Variants in ME3 observed in about 807,000 individuals in gnomAD.
ME3 encodes the protein NADP-dependent malic enzyme, mitochondrial.
Under a neutral mutation model 68.9 loss-of-function variants are expected in ME3, and 48 were observed. That is an observed-to-expected ratio of 0.70 (90% CI 0.55 to 0.89). The LOEUF is 0.89. ME3 is among the 40% of genes least tolerant of loss of function. The pLI is 0.00. For synonymous variants in ME3, 320 were observed against 318.8 expected, an observed-to-expected ratio of 1.00 and a Z score of -0.04; for missense variants, 675 against 797.4, an observed-to-expected ratio of 0.85 and a Z score of 1.85.
intron 2 of ME3, among the ~76,000 whole-genome samples, chr11:86,656,313 G>A (rs1222653898): frequency 6.6e-6 from 1 of 151,746 alleles, no homozygotes; most frequent in Non-Finnish European, 1.5e-5. Context: ...TGTTTATTGT[G>A]GCACTATTCA....
intron 6 of ME3, among the ~76,000 whole-genome samples, chr11:86,492,595 AGTC>A (rs1952070467): frequency 6.6e-6 from 1 of 152,234 alleles, no homozygotes; most frequent in African/African-American, 2.4e-5. Context: ...ATAGTTACTA[AGTC>A]CCCTTTGGAA....
At chr11:86,479,643 A>G (rs1447580411) in intron 7 of ME3, among the ~76,000 whole-genome samples, 1 of 152,064 alleles carries the variant, frequency 6.6e-6, no homozygotes, top group Non-Finnish European at 1.5e-5. Flanking sequence ...CTAAATTTGT[A>G]CAACTTCCAT....
intron 2 of ME3, among the ~76,000 whole-genome samples, chr11:86,572,003 T>C (rs2139554602): frequency 6.6e-6 from 1 of 152,244 alleles, no homozygotes; most frequent in Admixed American, 6.5e-5. Flanking sequence ...AGTGAGTGAT[T>C]TAAAAAGTCA....
chr11:86,564,716 AAC>A (rs1957397827), intron 2 of ME3, among the ~76,000 whole-genome samples: 1 of 152,148 alleles, frequency 6.6e-6, no homozygotes, highest in Admixed American at 6.5e-5. Flanking sequence ...ATGGATGAAC[AAC>A]CTAAATATAA....
chr11:86,562,107 G>A (rs1311413077), intron 2 of ME3, among the ~76,000 whole-genome samples: 1 of 152,048 alleles, frequency 6.6e-6, no homozygotes, highest in Non-Finnish European at 1.5e-5. Context: ...GGCGACCACT[G>A]ACCTTCTTTA....
chr11:86,475,166 G>A (rs1950989892), intron 7 of ME3, among the ~76,000 whole-genome samples: 1 of 152,196 alleles, frequency 6.6e-6, no homozygotes, highest in African/African-American at 2.4e-5. Flanking sequence ...GGCCTGGTGG[G>A]AAGTGATTGG....
At chr11:86,562,247 A>G (rs1957273731) in intron 2 of ME3, among the ~76,000 whole-genome samples, 1 of 152,230 alleles carries the variant, frequency 6.6e-6, no homozygotes, top group Non-Finnish European at 1.5e-5. Context: ...TTATCATTGA[A>G]TAACATTCCA....
At chr11:86,576,365 C>A (rs896017084) in intron 2 of ME3, among the ~76,000 whole-genome samples, 8 of 152,142 alleles carry the variant, frequency 5.3e-5, no homozygotes, top group Admixed American at 2.0e-4. Context: ...GCACTTCAAA[C>A]CTTTGGAGGC....
rs529496462 is a variant in ME3 at position 86,517,192 on chromosome 11, C to A, written c.468-8325G>T. 3.9e-5 allele frequency among the ~76,000 whole-genome samples: 6 copies of A among 152,172 alleles called. No individual in the cohort carries two copies. In the South Asian group the frequency reaches 1.2e-3, roughly 32 times the overall value. On this transcript the variant is annotated intron_variant, in intron 4 of 14. Coordinates refer to ENST00000543262, the Ensembl canonical transcript of ME3. ...TGATTTGTTGAAATAAAGCACAGCC[C>A]GGTGACCTGCTTTGGCCAATAAAAT... is the stretch of plus-strand genomic sequence containing the variant.
intron 7 of ME3, among the ~76,000 whole-genome samples, chr11:86,468,392 CCATT>C (rs1950600385): frequency 6.6e-6 from 1 of 152,004 alleles, no homozygotes; most frequent in African/African-American, 2.4e-5. Context: ...ATTTATCCAT[CCATT>C]CATCATCCAT....
At chr11:86,504,640 C>G (rs1326200341) in intron 5 of ME3, among the ~76,000 whole-genome samples, 2 of 151,662 alleles carry the variant, frequency 1.3e-5, no homozygotes, top group African/African-American at 4.9e-5. Context: ...GTGATCTGCC[C>G]ACCTCGGCCT....
intron 4 of ME3, among the ~76,000 whole-genome samples, chr11:86,521,393 T>C (rs916565791): frequency 8.7e-6 from 1 of 114,766 alleles, no homozygotes; most frequent in Non-Finnish European, 1.9e-5. Flanking sequence ...AGACTCCATC[T>C]CAAAAACAAA....
chr11:86,463,036 T>C (rs1347988631), intron 8 of ME3, among the ~76,000 whole-genome samples: 3 of 152,148 alleles, frequency 2.0e-5, no homozygotes, highest in East Asian at 1.9e-4. Flanking sequence ...TATATTTTCA[T>C]TGAAGGGGTG....
chr11:86,439,498 G>A (rs551119053), downstream of ME3, among the ~76,000 whole-genome samples: 5 of 152,258 alleles, frequency 3.3e-5, no homozygotes, highest in South Asian at 1.0e-3. Context: ...GATGAATGCC[G>A]TTTCCAGGCA....
At chr11:86,485,926 G>GAGCT (rs1399981538) in intron 7 of ME3, among the ~76,000 whole-genome samples, 3 of 152,202 alleles carry the variant, frequency 2.0e-5, no homozygotes, top group African/African-American at 7.2e-5. Flanking sequence ...GGGGCCCAGA[G>GAGCT]AGCTGCCCAG....
At chr11:86,671,665 C>T in intron 2 of ME3, 97 bp downstream of exon 2, 2 of 1,473,906 alleles carry the variant, frequency 1.4e-6, no homozygotes, top group Non-Finnish European at 1.8e-6. Context: ...GCTGGAAGGG[C>T]GCCCGGGAGG....
chr11:86,514,743 T>C (rs994280758), intron 4 of ME3, among the ~76,000 whole-genome samples: 4 of 152,230 alleles, frequency 2.6e-5, no homozygotes, highest in African/African-American at 9.6e-5. Context: ...CATACACTTA[T>C]TTGTTACAAT....
chr11:86,497,533 A>G (rs991373033), intron 6 of ME3, among the ~76,000 whole-genome samples: 1 of 152,106 alleles, frequency 6.6e-6, no homozygotes, highest in Non-Finnish European at 1.5e-5. Context: ...AATCTGTCTG[A>G]TTCAGACATT....
intron 5 of ME3, among the ~76,000 whole-genome samples, chr11:86,506,633 A>G (rs904350923): frequency 2.6e-5 from 4 of 152,178 alleles, no homozygotes; most frequent in African/African-American, 9.7e-5. Context: ...CACCGAAAGT[A>G]TTAGTGGAGA....
Sources: gnomAD v4.1 joint callset for allele counts (sites outside exome capture counted in the v4.1 genomes callset) on GRCh38, gnomAD v4.1.1 for gene constraint, MANE v1.5 for transcripts, NCBI Gene and HGNC (gene_info 2026-07-23, HGNC 2026-07-21) for gene names.